Variants in UNC5A observed in about 807,000 individuals in gnomAD.
UNC5A encodes the protein netrin receptor UNC5A.
A neutral mutation model predicts 87.4 loss-of-function variants in UNC5A; 20 were observed. That is an observed-to-expected ratio of 0.23 (90% CI 0.16 to 0.33). The LOEUF (loss-of-function observed/expected upper bound fraction) is 0.33. Among genes scored for constraint, UNC5A ranks in the 10% least tolerant of loss-of-function variants. The pLI is 1.00. For missense variants in UNC5A, 844 were observed against 1,133.4 expected (o/e 0.74, Z 3.67); for synonymous variants, 438 against 482.3 (o/e 0.91, Z 1.20).
At chr5:176,816,875 G>A (rs1756599853) in intron 1 of UNC5A, among the ~76,000 whole-genome samples, 1 of 152,242 alleles carries the variant, frequency 6.6e-6, no homozygotes, top group Admixed American at 6.5e-5. Context: ...TGGGGAGCCA[G>A]GAGGGAGGGA....
intron 1 of UNC5A, among the ~76,000 whole-genome samples, chr5:176,850,223 G>T (rs754073571): frequency 2.0e-5 from 3 of 152,220 alleles, no homozygotes; most frequent in Non-Finnish European, 4.4e-5. Context: ...GTCGGGGTGT[G>T]AGCCCTAACT....
intron 1 of UNC5A, among the ~76,000 whole-genome samples, chr5:176,839,552 G>T (rs1442913996): frequency 2.0e-5 from 3 of 152,202 alleles, no homozygotes; most frequent in African/African-American, 7.2e-5. Context: ...AGGTCACATG[G>T]CCTAGGCTGT....
In UNC5A at chr5:176,868,169, A is replaced by C. The variant is rs1432255445; in HGVS notation, c.332A>C (p.Gln111Pro). 5.0e-6 allele frequency: 8 copies of C among 1,613,506 alleles called. No individual in the cohort carries two copies. The highest frequency in any genetic ancestry group is 5.9e-6 in the Non-Finnish European group (7 of 1,179,944). Residue 111 changes from glutamine (Q) to proline (P), a missense_variant, in exon 3 of 15, where the codon CAG becomes CCG. By Grantham distance (76) the Gln-to-Pro change is moderately conservative. This residue lies in a region of UNC5A where 314 missense variants were observed against 466.5 expected (regional missense o/e 0.67). Transcript: ENST00000329542. ...GAGGTCCGCATTAATGTCTCAAGGC[A>C]GCAGGTCGAGAAGGTGTTCGGGCTG... ...TMEVRINVSR[Q>P]QVEKVFGLEE...
intron 6 of UNC5A, among the ~76,000 whole-genome samples, chr5:176,873,492 T>A (rs1440858976): frequency 6.6e-6 from 1 of 152,132 alleles, no homozygotes; most frequent in East Asian, 1.9e-4. Context: ...GCCCCAGGCC[T>A]TGGGGAGGCA....
At chr5:176,840,063 G>A (rs900801713) in intron 1 of UNC5A, among the ~76,000 whole-genome samples, 4 of 152,050 alleles carry the variant, frequency 2.6e-5, no homozygotes, top group South Asian at 4.1e-4. Flanking sequence ...CACCATGTTG[G>A]CCAGGCTAGT....
chr5:176,818,451 G>C (rs1160174968), intron 1 of UNC5A, among the ~76,000 whole-genome samples: 1 of 152,208 alleles, frequency 6.6e-6, no homozygotes, highest in Non-Finnish European at 1.5e-5. Context: ...GCTATAGACT[G>C]TTACGTTTTT....
chr5:176,829,265 G>GTGGC (rs1554096916), intron 1 of UNC5A, among the ~76,000 whole-genome samples: 20 of 50,656 alleles, frequency 3.9e-4, no homozygotes, highest in Non-Finnish European at 1.7e-3. Flanking sequence ...GGATGGATGG[G>GTGGC]TGGCTGGATG....
intron 1 of UNC5A, among the ~76,000 whole-genome samples, chr5:176,851,857 CG>C (rs941233264): frequency 4.6e-5 from 7 of 152,144 alleles, no homozygotes; most frequent in Admixed American, 1.3e-4. Context: ...GGGAAGAACC[CG>C]GATGGAAATG....
intron 1 of UNC5A, among the ~76,000 whole-genome samples, chr5:176,857,646 A>G (rs1043637085): frequency 4.6e-5 from 7 of 152,192 alleles, no homozygotes; most frequent in Admixed American, 1.3e-4. Context: ...CACCAGCTCC[A>G]GCTGACGTGG....
intron 6 of UNC5A, 30 bp from the exon 7 acceptor site, chr5:176,873,937 GC>G (rs1249026061): frequency 6.2e-7 from 1 of 1,603,904 alleles, no homozygotes; most frequent in Admixed American, 1.7e-5. Flanking sequence ...CTACACCCCT[GC>G]CCCCACCAAG....
chr5:176,877,739 C>T (rs774987864), intron 10 of UNC5A, 36 bp downstream of exon 10: 5 of 1,559,922 alleles, frequency 3.2e-6, no homozygotes, highest in East Asian at 2.3e-5. Context: ...CAGAAGGGAA[C>T]GTGGGCTAAC....
intron 2 of UNC5A, 113 bp from the exon 3 acceptor site, chr5:176,868,016 AC>A: frequency 3.5e-6 from 3 of 856,380 alleles, no homozygotes; most frequent in Non-Finnish European, 4.9e-6. Context: ...AAAAAAAAAA[AC>A]AAAGTCCACT....
At chr5:176,868,421 C>T in intron 3 of UNC5A, 140 bp from the exon 4 acceptor site, 2 of 1,439,406 alleles carry the variant, frequency 1.4e-6, no homozygotes, top group Non-Finnish European at 1.9e-6. Context: ...GTGGACACGG[C>T]CCAGCCACCC....
At chr5:176,842,492 G>GATTGATATATATATATATATAT (rs1757300084) in intron 1 of UNC5A, among the ~76,000 whole-genome samples, 1 of 145,572 alleles carries the variant, frequency 6.9e-6, no homozygotes, top group African/African-American at 2.7e-5. Context: ...GAGAAACTGT[G>GATTGATATATATATATATATAT]ATATATATAT....
intron 5 of UNC5A, 119 bp from the exon 6 acceptor site, chr5:176,870,251 C>A: frequency 7.5e-7 from 1 of 1,336,342 alleles, no homozygotes. Context: ...GCTTTGCACC[C>A]AAATCCAGGC....
At chr5:176,852,926 A>G (rs1757580750) in intron 1 of UNC5A, among the ~76,000 whole-genome samples, 1 of 152,266 alleles carries the variant, frequency 6.6e-6, no homozygotes. Flanking sequence ...TTTACGGAAG[A>G]GTAACCAAGT....
Position 176,833,287 on chromosome 5 carries a change from C to T in UNC5A, c.70+22467C>T, listed in dbSNP as rs185445176. Reference sequence around the variant, plus strand: ...GACAGTGCCTGATGGGTAGTTTTTCCGTCCTCACCCTCCTCCCACCCTCCA... The same window carrying T: ...GACAGTGCCTGATGGGTAGTTTTTCTGTCCTCACCCTCCTCCCACCCTCCA... On this transcript the variant is annotated intron_variant, in intron 1 of 14. Transcript: ENST00000329542. 5.9e-5 allele frequency among the ~76,000 whole-genome samples: 9 copies of T among 151,958 alleles called. No individual in the cohort carries two copies. The East Asian group carries it at 1.2e-3, about 20-fold the overall frequency.
chr5:176,842,304 A>G (rs1436042021), intron 1 of UNC5A, among the ~76,000 whole-genome samples: 2 of 152,250 alleles, frequency 1.3e-5, no homozygotes, highest in African/African-American at 4.8e-5. Flanking sequence ...ACTATGGAAG[A>G]CAGTGTGGAG....
chr5:176,831,092 C>A (rs1001005348), intron 1 of UNC5A, among the ~76,000 whole-genome samples: 1 of 152,062 alleles, frequency 6.6e-6, no homozygotes, highest in Non-Finnish European at 1.5e-5. Flanking sequence ...CCCCCACCTC[C>A]GTGCCTCGGG....
Sources: allele counts gnomAD v4.1 joint callset (sites outside exome capture counted in the v4.1 genomes callset), GRCh38; gene constraint gnomAD v4.1.1; regional missense constraint gnomAD v4.1.1; transcripts MANE v1.5; gene names NCBI Gene and HGNC (gene_info 2026-07-23, HGNC 2026-07-21).